KIRREL3: variants seen among roughly 807,000 people sequenced by gnomAD.
KIRREL3 encodes kin of IRRE-like protein 3.
Under a neutral mutation model 89.7 loss-of-function variants are expected in KIRREL3, and 36 were observed. That is an observed-to-expected ratio of 0.40 (90% CI 0.31 to 0.53). The LOEUF is 0.53. Ranked by LOEUF, KIRREL3 falls within the 20% of genes least tolerant of loss-of-function variation. The pLI is 0.49. For missense variants in KIRREL3, 864 were observed against 1,056.6 expected (o/e 0.82, Z 2.53); for synonymous variants, 445 against 441.4 (o/e 1.01, Z -0.10).
intron 1 of KIRREL3, among the ~76,000 whole-genome samples, chr11:126,585,891 A>T (rs759800916): frequency 3.9e-5 from 6 of 152,260 alleles, no homozygotes; most frequent in South Asian, 4.1e-4. Flanking sequence ...GTTGGGCTTC[A>T]GCTTCCCTGT....
At chr11:126,469,942 T>C (rs1175865533) in intron 5 of KIRREL3, among the ~76,000 whole-genome samples, 2 of 152,010 alleles carry the variant, frequency 1.3e-5, no homozygotes, top group Non-Finnish European at 2.9e-5. Context: ...GCCCAGGGAG[T>C]GAGTTGCCTG....
intron 1 of KIRREL3, among the ~76,000 whole-genome samples, chr11:126,801,823 C>G (rs944575939): frequency 1.3e-5 from 2 of 152,160 alleles, no homozygotes; most frequent in East Asian, 3.9e-4. Context: ...GTAGTCCTAA[C>G]TACTTGGAGG....
rs1346888444 is a variant in KIRREL3, at chr11:126,581,934, C to A, written c.56-19022G>T. 2.0e-5 allele frequency among the ~76,000 whole-genome samples: 3 copies of A among 152,158 alleles called. No homozygotes were observed. The East Asian group carries it at 5.8e-4, about 29-fold the overall frequency. On this transcript the variant is annotated intron_variant, in intron 1 of 16. Coordinates refer to ENST00000525144, the MANE Select transcript of KIRREL3 (RefSeq NM_032531.4). ...GCACAGGTAACAGACCACACCTGAC[C>A]TCCTGGATCCCTAGTTACACAAGGG...
At chr11:126,595,379 G>A (rs1006292306) in intron 1 of KIRREL3, among the ~76,000 whole-genome samples, 1 of 152,212 alleles carries the variant, frequency 6.6e-6, no homozygotes, top group African/African-American at 2.4e-5. Context: ...CAGGCTAGTT[G>A]TCCCAGGTTT....
In KIRREL3 at chr11:126,431,671, G is replaced by A; in HGVS notation, c.1589-145C>T. The A allele has an allele frequency of 1.3e-6, 1 of 791,038 alleles. No homozygotes were observed. The allele number at this position is 791,038 out of a possible 1,614,324, so 49.0% of individuals were successfully genotyped here. On this transcript the variant is annotated intron_variant, in intron 13 of 16. Coordinates refer to ENST00000525144, the MANE Select transcript of KIRREL3 (RefSeq NM_032531.4). This position sits in a 1 kb window ranked among gnomAD's most constrained non-coding sequence, Gnocchi z 7.1. ...CTCAGTGGGGCCTGGGCAGGCACAG[G>A]CCGAGTCCAACTGGGGTCAGCTCTA...
intron 1 of KIRREL3, among the ~76,000 whole-genome samples, chr11:126,586,854 A>T (rs1375611807): frequency 6.6e-6 from 1 of 152,124 alleles, no homozygotes; most frequent in Non-Finnish European, 1.5e-5. Flanking sequence ...GGTGAGGATA[A>T]AAACTGACCC....
rs539068756 is a variant in KIRREL3 at position 126,525,493 on chromosome 11, A to C, written c.283+1045T>G. Among the ~76,000 whole-genome samples, 1 of 152,322 alleles carries C rather than the reference A, an allele frequency of 6.6e-6. No individual in the cohort carries two copies. Among genetic ancestry groups the C allele is most frequent in the African/African-American group, 2.4e-5 (1 of 41,568 alleles). ...GTGCCTGCTATTGACCATTGCTATA[A>C]TGTTTCAATATACATTTTTGGCAAG... On this transcript the variant is annotated intron_variant, in intron 3 of 16. Transcript: ENST00000525144. The surrounding 1 kb of genome is among the most constrained non-coding windows in gnomAD (Gnocchi z 5.4).
chr11:126,640,043 C>T lies in KIRREL3; in HGVS notation c.56-77131G>A, dbSNP rs568646453. Among the ~76,000 whole-genome samples the T allele has an allele frequency of 6.6e-6, 1 of 152,188 alleles. No individual in the cohort carries two copies. The highest frequency in any genetic ancestry group is 1.5e-5 in the Non-Finnish European group (1 of 68,032). On this transcript the variant is annotated intron_variant, in intron 1 of 16. Transcript: ENST00000525144. This position sits in a 1 kb window ranked among gnomAD's most constrained non-coding sequence, Gnocchi z 4.9. The stretch of plus-strand genomic sequence containing the variant: ...AACTTCATTACGATCAGTACTGTGA[C>T]AATGAATATGAAATGAACGTGCCCA...
In KIRREL3 at chr11:126,564,346, C is replaced by T. The variant is rs1670916798; in HGVS notation, c.56-1434G>A. Among the ~76,000 whole-genome samples the T allele has an allele frequency of 6.6e-6, 1 of 152,196 alleles. No individual in the cohort carries two copies. The highest frequency in any genetic ancestry group is 2.4e-5 in the African/African-American group (1 of 41,448). On this transcript the variant is annotated intron_variant, in intron 1 of 16. Transcript: ENST00000525144. This position sits in a 1 kb window ranked among gnomAD's most constrained non-coding sequence, Gnocchi z 7.4. ...GCAGGATGAAAGAGAGTGCAGGGCC[C>T]ATGAGACACAGATAAGTCAAGCTCA...
chr11:126,435,428 C>T, intron 12 of KIRREL3, 125 bp from the exon 13 acceptor site: 3 of 920,026 alleles, frequency 3.3e-6, no homozygotes, highest in Non-Finnish European at 3.5e-6. Context: ...TCTCTGGGAC[C>T]CCCCAACAGA....
At chr11:126,751,705 C>T (rs1358458490) in intron 1 of KIRREL3, among the ~76,000 whole-genome samples, 1 of 151,604 alleles carries the variant, frequency 6.6e-6, no homozygotes, top group East Asian at 1.9e-4. Context: ...ATTGCTAGAT[C>T]CTGGTGTCTA....
chr11:126,616,648 G>A (rs150415936), intron 1 of KIRREL3, among the ~76,000 whole-genome samples: 1 of 152,316 alleles, frequency 6.6e-6, no homozygotes, highest in East Asian at 1.9e-4. Context: ...GGCTTTTGTT[G>A]TTGTTGGTTT....
chr11:126,692,415 C>T (rs1340741341), intron 1 of KIRREL3, among the ~76,000 whole-genome samples: 4 of 151,712 alleles, frequency 2.6e-5, no homozygotes, highest in African/African-American at 9.7e-5. Context: ...TGTGGTGGCA[C>T]ACACCTGTAG....
At chr11:126,824,956 G>T (rs1055445910) in intron 1 of KIRREL3, among the ~76,000 whole-genome samples, 42 of 152,182 alleles carry the variant, frequency 2.8e-4, no homozygotes, top group Admixed American at 1.3e-4. Context: ...AATTGTGAGG[G>T]ACGTATGTAG....
Position 126,429,533 on chromosome 11 carries a change from C to T in KIRREL3, c.1697-245G>A, listed in dbSNP as rs947163477. On this transcript the variant is annotated intron_variant, in intron 14 of 16. Coordinates refer to ENST00000525144, the MANE Select transcript of KIRREL3 (RefSeq NM_032531.4). The surrounding 1 kb of genome is among the most constrained non-coding windows in gnomAD (Gnocchi z 5.2). The stretch of plus-strand genomic sequence containing the variant: ...TCCTGTCACATGCCCCTCAGCCATG[C>T]ACCCTTGGCTTGAAAGATCGTCTTC... 6.6e-6 allele frequency among the ~76,000 whole-genome samples: 1 copy of T among 152,214 alleles called. No individual in the cohort carries two copies. The highest frequency in any genetic ancestry group is 2.4e-5 in the African/African-American group (1 of 41,456).
chr11:126,640,359 C>T lies in KIRREL3; in HGVS notation c.56-77447G>A, dbSNP rs561810722. Among the ~76,000 whole-genome samples, 22 of 152,170 alleles carry T rather than the reference C, an allele frequency of 1.4e-4. No homozygotes were observed. Among genetic ancestry groups the T allele is most frequent in the South Asian group, 4.2e-4 (2 of 4,814 alleles). On this transcript the variant is annotated intron_variant, in intron 1 of 16. Transcript: ENST00000525144. The surrounding 1 kb of genome is among the most constrained non-coding windows in gnomAD (Gnocchi z 4.9). ...ACACACACACAGACGCGCGTGTGCG[C>T]GCGCACACACACGCACACGCGCACA...
chr11:126,424,738 A>G lies in KIRREL3; in HGVS notation c.2179T>C (p.Cys727Arg). 1 of 1,614,020 alleles carries G rather than the reference A, an allele frequency of 6.2e-7. No individual in the cohort carries two copies. Among genetic ancestry groups the G allele is most frequent in the Non-Finnish European group, 8.5e-7 (1 of 1,179,886 alleles). Residue 727 changes from cysteine (C) to arginine (R), a missense_variant, in exon 17 of 17, where the codon TGT becomes CGT. Transcript: ENST00000525144. ...SDSSSFLDTQ[C>R]DSSVSSSGKQ... ...CCGCTGCTGCTGACGCTGCTGTCACACTGCGTGTCCAGGAAGGAGCTGCTG... is the reference window on the plus strand; with the variant it reads ...CCGCTGCTGCTGACGCTGCTGTCACGCTGCGTGTCCAGGAAGGAGCTGCTG...
At position 126,890,876 on chromosome 11, in the gene KIRREL3, A is replaced by C. The variant is rs77151665; in HGVS notation, c.55+109579T>G. 0.047 allele frequency among the ~76,000 whole-genome samples: 7,227 copies of C among 152,248 alleles called. 590 individuals carry two copies. The highest frequency in any genetic ancestry group is 0.16 in the African/African-American group (6,701 of 41,514). On this transcript the variant is annotated intron_variant, in intron 1 of 16. Coordinates refer to ENST00000525144, the MANE Select transcript of KIRREL3 (RefSeq NM_032531.4). The surrounding 1 kb of genome is among the most constrained non-coding windows in gnomAD (Gnocchi z 5.1). Reference sequence around the variant, plus strand: ...GGAGTCACATGATTTTCCAAAACACAATCCCTTCTTTCAACCTGAGCCTCA... The same window carrying C: ...GGAGTCACATGATTTTCCAAAACACCATCCCTTCTTTCAACCTGAGCCTCA...
At chr11:126,926,716 G>A in intron 1 of KIRREL3, among the ~76,000 whole-genome samples, 1 of 152,174 alleles carries the variant, frequency 6.6e-6, no homozygotes, top group East Asian at 1.9e-4. Context: ...TCTGTGGTTG[G>A]GATGCAGTGC....
Sources: gnomAD v4.1 joint callset for allele counts (sites outside exome capture counted in the v4.1 genomes callset) on GRCh38, gnomAD v4.1.1 for gene constraint, Gnocchi (gnomAD v3.1) non-coding constraint, MANE v1.5 for transcripts, NCBI Gene and HGNC (gene_info 2026-07-23, HGNC 2026-07-21) for gene names.